VPS13B: variants seen among roughly 807,000 people sequenced by gnomAD.
The protein encoded by VPS13B is vacuolar protein sorting 13 homolog B.
A neutral mutation model predicts 426.4 loss-of-function variants in VPS13B; 285 were observed. The ratio of observed to expected loss-of-function variants is 0.67; its 90% CI spans 0.61 to 0.74. The LOEUF is 0.74. VPS13B is among the 30% of genes least tolerant of loss of function. The pLI, the probability that VPS13B is intolerant of heterozygous loss-of-function variation, is 0.00. For missense variants in VPS13B, 4,537 were observed against 4,782.6 expected (o/e 0.95, Z 1.51); for synonymous variants, 1,676 against 1,676.4 (o/e 1.00, Z 0.01).
chr8:99,534,783 A>G (rs1192660342), intron 30 of VPS13B, among the ~76,000 whole-genome samples: 2 of 152,198 alleles, frequency 1.3e-5, no homozygotes, highest in East Asian at 3.8e-4. Context: ...ATGTAAAGGA[A>G]GAATTGCATT....
intron 43 of VPS13B, among the ~76,000 whole-genome samples, chr8:99,785,245 G>A (rs1166157725): frequency 6.6e-6 from 1 of 152,128 alleles, no homozygotes; most frequent in Non-Finnish European, 1.5e-5. Flanking sequence ...TAATGTATTT[G>A]TTAAACTCTG....
chr8:99,663,287 G>A (rs1330309571), intron 35 of VPS13B, among the ~76,000 whole-genome samples: 1 of 152,142 alleles, frequency 6.6e-6, no homozygotes, highest in East Asian at 1.9e-4. Flanking sequence ...CACTGGGGAC[G>A]AATTCTTCTT....
At chr8:99,207,303 C>T (rs567329729) in intron 17 of VPS13B, among the ~76,000 whole-genome samples, 1 of 152,214 alleles carries the variant, frequency 6.6e-6, no homozygotes, top group African/African-American at 2.4e-5. Context: ...ATAACTCCCA[C>T]AAGCTTAGCA....
At chr8:99,415,273 A>G (rs1815933291) in intron 21 of VPS13B, among the ~76,000 whole-genome samples, 1 of 151,660 alleles carries the variant, frequency 6.6e-6, no homozygotes, top group African/African-American at 2.4e-5. Flanking sequence ...CAGGTCATTT[A>G]TGTTCTTCTC....
At chr8:99,834,649 A>G (rs1815280370) in intron 52 of VPS13B, among the ~76,000 whole-genome samples, 1 of 151,832 alleles carries the variant, frequency 6.6e-6, no homozygotes. Flanking sequence ...CCAACCTCCC[A>G]GGCTCCAGCC....
At chr8:99,681,424 C>G (rs1197372661) in intron 35 of VPS13B, among the ~76,000 whole-genome samples, 1 of 152,168 alleles carries the variant, frequency 6.6e-6, no homozygotes, top group Non-Finnish European at 1.5e-5. Flanking sequence ...TGGTCCAGTC[C>G]CTCCAGGGTG....
At chr8:99,790,816 T>A (rs1812503151) in intron 43 of VPS13B, among the ~76,000 whole-genome samples, 1 of 152,038 alleles carries the variant, frequency 6.6e-6, no homozygotes, top group South Asian at 2.1e-4. Flanking sequence ...CCAACATGTG[T>A]GAAAGCCACA....
chr8:99,549,584 T>C (rs913911580), intron 30 of VPS13B, among the ~76,000 whole-genome samples: 4 of 152,170 alleles, frequency 2.6e-5, no homozygotes, highest in African/African-American at 9.6e-5. Flanking sequence ...TACTACAGAA[T>C]TTATGCAACC....
At chr8:99,233,275 A>G (rs879558031) in intron 17 of VPS13B, 96 of 1,163,308 alleles carry the variant, frequency 8.3e-5, no homozygotes, top group Non-Finnish European at 1.2e-4. Flanking sequence ...ACCTTTGCCA[A>G]TCACCCGGCC....
rs1320025914 is a variant in VPS13B, at chr8:99,821,445, C to T, written c.9146C>T (p.Thr3049Ile). Residue 3049 changes from threonine (T) to isoleucine (I), a missense_variant, in exon 50 of 62, where the codon ACT (threonine) becomes ATT (isoleucine). Thr to Ile is a moderately conservative substitution (Grantham distance 89). This residue lies in a region of VPS13B where 4,311 missense variants were observed against 4,474.3 expected (regional missense o/e 0.96). Coordinates refer to ENST00000357162, the MANE Select transcript of VPS13B (RefSeq NM_152564.5). The stretch of plus-strand genomic sequence containing the variant: ...CTGGATGAAGAAGCGTTTGTTGATA[C>T]TGAAATAAGACTTGGTGCTTTTCCA... ...VTLDEEAFVDTEIRLGAFPGH... is the reference protein window; with the variant it reads ...VTLDEEAFVDIEIRLGAFPGH... The T allele has an allele frequency of 6.2e-7, 1 of 1,613,682 alleles. No individual in the cohort carries two copies. Among genetic ancestry groups the T allele is most frequent in the East Asian group, 2.2e-5 (1 of 44,868 alleles).
chr8:99,153,024 G>T (rs904491086), intron 14 of VPS13B, among the ~76,000 whole-genome samples: 4 of 152,030 alleles, frequency 2.6e-5, no homozygotes, highest in African/African-American at 9.7e-5. Flanking sequence ...ACAAAAGTTA[G>T]CCAGGCATGC....
chr8:99,764,409 C>CTTTTTTT (rs1009917177), intron 39 of VPS13B, among the ~76,000 whole-genome samples: 8 of 111,692 alleles, frequency 7.2e-5, no homozygotes, highest in East Asian at 2.5e-4. Context: ...GAGAGAGATT[C>CTTTTTTT]TTTTTTTTTT....
chr8:99,425,737 A>C (rs1205486180), intron 21 of VPS13B, among the ~76,000 whole-genome samples: 1 of 152,150 alleles, frequency 6.6e-6, no homozygotes, highest in Admixed American at 6.5e-5. Context: ...AAGGGTATTC[A>C]ATTAGGAAAA....
At chr8:99,703,267 C>G (rs1286214302) in intron 36 of VPS13B, among the ~76,000 whole-genome samples, 1 of 152,050 alleles carries the variant, frequency 6.6e-6, no homozygotes. Context: ...TCTTCTTAGC[C>G]TCCTATGTTA....
In VPS13B at chr8:99,374,759, T is replaced by TA. The variant is rs1156603551; in HGVS notation, c.2825-9448dup. 2.6e-5 allele frequency among the ~76,000 whole-genome samples: 4 copies of TA among 152,332 alleles called. No individual in the cohort carries two copies. The East Asian group carries it at 7.7e-4, about 29-fold the overall frequency. Reference sequence around the variant, plus strand: ...CTGTATCTTATTCTTTTAAAATTTATATTAAGTTCACTACAGGACCCTGTG... The same window carrying TA: ...CTGTATCTTATTCTTTTAAAATTTATAATTAAGTTCACTACAGGACCCTGTG... On this transcript the variant is annotated intron_variant, in intron 19 of 61. Coordinates refer to ENST00000357162, the MANE Select transcript of VPS13B (RefSeq NM_152564.5).
chr8:99,744,859 C>T (rs1017758310), intron 39 of VPS13B, among the ~76,000 whole-genome samples: 25 of 152,014 alleles, frequency 1.6e-4, no homozygotes, highest in East Asian at 7.7e-4. Context: ...TTAGGAGATA[C>T]ACCCAATGTT....
chr8:99,316,978 A>G lies in VPS13B; in HGVS notation c.2824+41724A>G, dbSNP rs556292986. Among the ~76,000 whole-genome samples, 6 of 152,362 alleles carry G rather than the reference A, an allele frequency of 3.9e-5. No homozygotes were observed. The South Asian group carries it at 1.2e-3, about 32-fold the overall frequency. The stretch of plus-strand genomic sequence containing the variant: ...CGAATCTTGATATTATGAAATACAG[A>G]AACAAATGTTCTTACTAAAAGGGAA... On this transcript the variant is annotated intron_variant, in intron 19 of 61. Coordinates refer to ENST00000357162, the MANE Select transcript of VPS13B (RefSeq NM_152564.5).
intron 33 of VPS13B, among the ~76,000 whole-genome samples, chr8:99,589,170 C>T (rs565564306): frequency 2.6e-5 from 4 of 151,814 alleles, no homozygotes; most frequent in South Asian, 2.1e-4. Flanking sequence ...GGTGGATAAA[C>T]TTTTTGATGT....
At chr8:99,767,053 T>A in intron 40 of VPS13B, 83 bp downstream of exon 40, 1 of 1,341,956 alleles carries the variant, frequency 7.5e-7, no homozygotes, top group Non-Finnish European at 1.1e-6. Context: ...ACCCCTCACT[T>A]AACTGTATCT....
Sources: allele counts gnomAD v4.1 joint callset (sites outside exome capture counted in the v4.1 genomes callset), GRCh38; gene constraint gnomAD v4.1.1; regional missense constraint gnomAD v4.1.1; transcripts MANE v1.5; gene names NCBI Gene and HGNC (gene_info 2026-07-23, HGNC 2026-07-21).